Variants in DSCAML1 observed in about 807,000 individuals in gnomAD.
DSCAML1 encodes the protein cell adhesion molecule DSCAML1.
A neutral mutation model predicts 200.5 loss-of-function variants in DSCAML1; 38 were observed. That is an observed-to-expected ratio of 0.19 (90% CI 0.15 to 0.25). The LOEUF (loss-of-function observed/expected upper bound fraction) is 0.25. DSCAML1 is among the 10% of genes least tolerant of loss of function. The probability of loss-of-function intolerance (pLI) is 1.00; values close to 1 mark genes in which losing one functional copy is unlikely to be tolerated. For synonymous variants in DSCAML1, 1,215 were observed against 1,165.0 expected (o/e 1.04, Z -0.87); for missense variants, 2,223 against 2,858.8 (o/e 0.78, Z 5.07).
intron 3 of DSCAML1, among the ~76,000 whole-genome samples, chr11:117,586,737 C>A (rs2051151600): frequency 6.6e-6 from 1 of 152,188 alleles, no homozygotes; most frequent in South Asian, 2.1e-4. Flanking sequence ...GGACTCAGCC[C>A]TTCCACGAAC....
chr11:117,521,205 G>C lies in DSCAML1; in HGVS notation c.1138C>G (p.His380Asp), dbSNP rs760268890. The change falls in exon 6 of 33, where the codon CAT becomes GAT. Residue 380 changes from histidine (H) to aspartate (D), a missense_variant. Transcript: ENST00000651296. Reference protein sequence around the residue: ...TLLITSAQKSHSGAYQCFATR... With the variant: ...TLLITSAQKSDSGAYQCFATR... The stretch of plus-strand genomic sequence containing the variant: ...GCGAAGCACTGGTAGGCCCCGGAAT[G>C]GCTCTTCTGGGCCGAGGTGATGAGC... 20 of 1,614,084 alleles carry C rather than the reference G, an allele frequency of 1.2e-5. 1 individual carries two copies. The South Asian group carries it at 2.2e-4, about 18-fold the overall frequency.
chr11:117,518,828 C>T lies in DSCAML1; in HGVS notation c.1214-66G>A, dbSNP rs1044612589. 5.9e-6 allele frequency: 9 copies of T among 1,517,842 alleles called. No individual in the cohort carries two copies. The African/African-American group carries it at 1.1e-4, about 19-fold the overall frequency. 94.0% of individuals were successfully genotyped at this position (1,517,842 alleles called of 1,614,324 possible). A position where few individuals can be genotyped will look rare whatever the true frequency, so the allele number is the denominator to read the frequency against. ...TGGAGAGACGGTCCCCCCAGCCACCCCACCTCAGCAGGGGAGGAGGCAAAA... is the reference window on the plus strand; with the variant it reads ...TGGAGAGACGGTCCCCCCAGCCACCTCACCTCAGCAGGGGAGGAGGCAAAA... On this transcript the variant is annotated intron_variant, in intron 6 of 32. Coordinates refer to ENST00000651296, the MANE Select transcript of DSCAML1 (RefSeq NM_020693.4). This position sits in a 1 kb window ranked among gnomAD's most constrained non-coding sequence, Gnocchi z 6.3.
chr11:117,815,966 G>A lies in DSCAML1; in HGVS notation c.-250+1424C>T, dbSNP rs149160224. Among the ~76,000 whole-genome samples, 832 of 152,068 alleles carry A rather than the reference G, an allele frequency of 5.5e-3. 2 individuals are homozygous for A. The highest frequency in any genetic ancestry group is 0.017 in the South Asian group (84 of 4,824). ...GAGCTGCCACTCCTGAACATAGCTC[G>A]TCCCAGTCCCTTCTAGGCATGAGGT... On this transcript the variant is annotated intron_variant, in intron 1 of 2. Transcript: ENST00000525836.
chr11:117,530,689 G>A (rs2137338977), intron 4 of DSCAML1, among the ~76,000 whole-genome samples: 1 of 152,286 alleles, frequency 6.6e-6, no homozygotes, highest in Admixed American at 6.5e-5. Flanking sequence ...TGACAGACAA[G>A]TGGAAGTGGT....
At chr11:117,456,029 G>A (rs568061591) in intron 19 of DSCAML1, among the ~76,000 whole-genome samples, 5 of 152,244 alleles carry the variant, frequency 3.3e-5, no homozygotes, top group Middle Eastern at 6.8e-3. Context: ...TCCATTTCCC[G>A]TTTGGTGACT....
At chr11:117,797,263 C>T (rs955277212), upstream of DSCAML1, 1 of 1,402,110 alleles carries the variant, frequency 7.1e-7, no homozygotes, top group African/African-American at 1.5e-5. Flanking sequence ...CTGTCATCCG[C>T]GGGGCTGGGC....
At chr11:117,814,302 G>A (rs1055388879) in intron 1 of DSCAML1, among the ~76,000 whole-genome samples, 23 of 152,230 alleles carry the variant, frequency 1.5e-4, no homozygotes, top group Admixed American at 3.3e-4. Context: ...AAGCCTGTTT[G>A]GTGGTTCTCT....
intron 3 of DSCAML1, among the ~76,000 whole-genome samples, chr11:117,665,463 A>G (rs148823766): frequency 6.6e-6 from 1 of 152,324 alleles, no homozygotes; most frequent in South Asian, 2.1e-4. Flanking sequence ...AGGAACACTC[A>G]GGCAGGAGTG....
chr11:117,647,484 C>T (rs1324648688), intron 3 of DSCAML1, among the ~76,000 whole-genome samples: 1 of 152,162 alleles, frequency 6.6e-6, no homozygotes, highest in Non-Finnish European at 1.5e-5. Flanking sequence ...AGAGGGCAGC[C>T]AAGGCTCCAA....
intron 1 of DSCAML1, among the ~76,000 whole-genome samples, chr11:117,806,146 G>A (rs916016002): frequency 3.3e-5 from 5 of 152,236 alleles, no homozygotes; most frequent in Non-Finnish European, 7.3e-5. Context: ...TGATGATGTG[G>A]CTGGGTTGGA....
At chr11:117,643,195 A>C (rs924918315) in intron 3 of DSCAML1, among the ~76,000 whole-genome samples, 1 of 152,190 alleles carries the variant, frequency 6.6e-6, no homozygotes, top group African/African-American at 2.4e-5. Flanking sequence ...TTGTAAACTT[A>C]TGGACCATCT....
At chr11:117,743,213 C>T (rs752719848) in intron 3 of DSCAML1, among the ~76,000 whole-genome samples, 28 of 152,122 alleles carry the variant, frequency 1.8e-4, no homozygotes, top group Non-Finnish European at 3.1e-4. Context: ...ATAGCACAGA[C>T]GAGGAGCACA....
intron 5 of DSCAML1, 47 bp downstream of exon 5, chr11:117,524,758 C>T (rs369444676): frequency 4.4e-5 from 68 of 1,536,294 alleles, no homozygotes; most frequent in South Asian, 3.1e-4. Flanking sequence ...ACCCCTGAGG[C>T]GCCCTCAGAG....
At chr11:117,549,680 G>A (rs2050436747) in intron 3 of DSCAML1, among the ~76,000 whole-genome samples, 1 of 152,164 alleles carries the variant, frequency 6.6e-6, no homozygotes, top group African/African-American at 2.4e-5. Flanking sequence ...GTCTACATCG[G>A]TACACTCCGG....
chr11:117,470,311 C>T (rs1215231202), intron 15 of DSCAML1, among the ~76,000 whole-genome samples: 2 of 152,068 alleles, frequency 1.3e-5, no homozygotes, highest in Non-Finnish European at 2.9e-5. Context: ...CGCGGTGGCT[C>T]ACACCTGTAA....
intron 1 of DSCAML1, among the ~76,000 whole-genome samples, chr11:117,796,804 CG>C (rs1189824435): frequency 6.6e-6 from 1 of 152,188 alleles, no homozygotes; most frequent in East Asian, 1.9e-4. Context: ...ACCACCCCTA[CG>C]GGCGCGCCCC....
chr11:117,491,215 T>C (rs781314297), intron 11 of DSCAML1, among the ~76,000 whole-genome samples: 2 of 152,216 alleles, frequency 1.3e-5, no homozygotes, highest in Non-Finnish European at 2.9e-5. Context: ...GGGTACATCT[T>C]CACCCCATTC....
chr11:117,486,794 A>T (rs1274965159), intron 11 of DSCAML1, among the ~76,000 whole-genome samples: 2 of 151,184 alleles, frequency 1.3e-5, no homozygotes, highest in East Asian at 2.0e-4. Context: ...GCTGCTGGCC[A>T]CATGGGGCTA....
upstream of DSCAML1, among the ~76,000 whole-genome samples, chr11:117,798,890 C>T (rs558989929): frequency 5.9e-5 from 9 of 152,302 alleles, no homozygotes; most frequent in East Asian, 1.9e-4. Context: ...CAGCATCCCT[C>T]GGTGGCTCAG....
Sources: gnomAD v4.1 joint callset for allele counts (sites outside exome capture counted in the v4.1 genomes callset) on GRCh38, gnomAD v4.1.1 for gene constraint, Gnocchi (gnomAD v3.1) non-coding constraint, MANE v1.5 for transcripts, NCBI Gene and HGNC (gene_info 2026-07-23, HGNC 2026-07-21) for gene names.